The following SMOC2 variants were observed in gnomAD, a reference collection of about 807,000 sequenced individuals.
SMOC2 encodes SPARC-related modular calcium-binding protein 2.
In SMOC2, 39 loss-of-function variants were observed where a neutral mutation model predicts 61.4. The ratio of observed to expected loss-of-function variants is 0.64; its 90% CI spans 0.49 to 0.83. The LOEUF is 0.83. Among genes scored for constraint, SMOC2 ranks in the 40% least tolerant of loss-of-function variants. The pLI is 0.00. For missense variants in SMOC2, 556 were observed against 592.9 expected, an observed-to-expected ratio of 0.94 and a Z score of 0.65; for synonymous variants, 247 against 239.9, an observed-to-expected ratio of 1.03 and a Z score of -0.27.
intron 11 of SMOC2, among the ~76,000 whole-genome samples, chr6:168,663,739 T>C (rs1395405002): frequency 6.6e-6 from 1 of 152,196 alleles, no homozygotes; most frequent in East Asian, 1.9e-4. Flanking sequence ...AAATGTAGTA[T>C]AGCAAGTATT....
At chr6:168,462,964 G>A (rs1237098107) in intron 1 of SMOC2, among the ~76,000 whole-genome samples, 1 of 152,076 alleles carries the variant, frequency 6.6e-6, no homozygotes, top group East Asian at 1.9e-4. Flanking sequence ...TATAAATGTT[G>A]GTAATTAATA....
At chr6:168,471,819 C>A (rs1311575599) in intron 1 of SMOC2, among the ~76,000 whole-genome samples, 4 of 152,156 alleles carry the variant, frequency 2.6e-5, no homozygotes, top group African/African-American at 9.7e-5. Flanking sequence ...GGAAGGTTTT[C>A]ATTTTTATTT....
At chr6:168,599,147 A>C in intron 8 of SMOC2, 143 bp downstream of exon 8, 1 of 730,874 alleles carries the variant, frequency 1.4e-6, no homozygotes, top group Non-Finnish European at 2.2e-6. Flanking sequence ...GATACCACAC[A>C]CATACCCACA....
At chr6:168,577,571 C>T (rs1784835030) in intron 7 of SMOC2, among the ~76,000 whole-genome samples, 1 of 152,186 alleles carries the variant, frequency 6.6e-6, no homozygotes, top group Non-Finnish European at 1.5e-5. Flanking sequence ...ATACACATGT[C>T]CCAGCCTTGC....
At chr6:168,649,700 A>G (rs908266886) in intron 9 of SMOC2, among the ~76,000 whole-genome samples, 4 of 152,350 alleles carry the variant, frequency 2.6e-5, no homozygotes, top group Non-Finnish European at 2.9e-5. Context: ...TCATCGGGGA[A>G]ACGAGGGTGG....
chr6:168,534,820 C>T (rs567698418), intron 4 of SMOC2, among the ~76,000 whole-genome samples: 53 of 152,128 alleles, frequency 3.5e-4, no homozygotes, highest in Non-Finnish European at 6.5e-4. Context: ...TGTTGCACCT[C>T]ATCTACAAGT....
chr6:168,447,414 G>A (rs981801685), intron 1 of SMOC2, among the ~76,000 whole-genome samples: 2 of 152,126 alleles, frequency 1.3e-5, no homozygotes, highest in South Asian at 4.1e-4. Flanking sequence ...ACTGACCGTG[G>A]ATGCTGCTAT....
intron 9 of SMOC2, among the ~76,000 whole-genome samples, chr6:168,631,076 A>C (rs1050932193): frequency 3.9e-5 from 6 of 152,014 alleles, no homozygotes; most frequent in African/African-American, 9.7e-5. Flanking sequence ...TGTCACCCAC[A>C]CCTATTCGCA....
intron 11 of SMOC2, among the ~76,000 whole-genome samples, chr6:168,656,109 A>C (rs1395524824): frequency 1.3e-5 from 2 of 152,244 alleles, no homozygotes; most frequent in African/African-American, 4.8e-5. Flanking sequence ...GACACCGCTC[A>C]AATCTCTGTC....
intron 6 of SMOC2, among the ~76,000 whole-genome samples, chr6:168,548,662 C>T (rs925590543): frequency 3.3e-5 from 5 of 152,048 alleles, no homozygotes; most frequent in African/African-American, 1.2e-4. Flanking sequence ...CCACCATGCC[C>T]GGCCCATTCA....
intron 9 of SMOC2, among the ~76,000 whole-genome samples, chr6:168,620,108 C>G (rs1047058250): frequency 8.5e-5 from 13 of 152,190 alleles, no homozygotes; most frequent in Non-Finnish European, 1.8e-4. Context: ...TGGTCTCTCC[C>G]CTCCACCAAA....
chr6:168,530,637 A>ACCCCCC (rs3064057), intron 4 of SMOC2, among the ~76,000 whole-genome samples: 799 of 120,088 alleles, frequency 6.7e-3, no homozygotes, highest in African/African-American at 0.017. Flanking sequence ...TCACGGTGCA[A>ACCCCCC]CCCCCCCCCC....
intron 1 of SMOC2, among the ~76,000 whole-genome samples, chr6:168,471,079 G>A (rs1781957794): frequency 6.6e-6 from 1 of 152,156 alleles, no homozygotes; most frequent in Admixed American, 6.5e-5. Context: ...TACACACACA[G>A]TTTATCATCT....
At chr6:168,479,629 G>C (rs1158881181) in intron 1 of SMOC2, among the ~76,000 whole-genome samples, 1 of 152,202 alleles carries the variant, frequency 6.6e-6, no homozygotes, top group African/African-American at 2.4e-5. Context: ...CCCCAACCTT[G>C]CGGTGAAAGC....
intron 7 of SMOC2, among the ~76,000 whole-genome samples, chr6:168,586,747 AT>A (rs910884580): frequency 3.3e-5 from 5 of 152,166 alleles, no homozygotes; most frequent in Admixed American, 1.3e-4. Flanking sequence ...ATGACATTTA[AT>A]TTTTTTAATA....
chr6:168,460,895 A>AT (rs57873093), intron 1 of SMOC2, among the ~76,000 whole-genome samples: 44,160 of 152,112 alleles, frequency 0.29, 8,300 homozygotes, highest in African/African-American at 0.52. Flanking sequence ...ATGAGTAATC[A>AT]CTATCAAACT....
At chr6:168,660,340 T>C (rs1421781544) in intron 11 of SMOC2, among the ~76,000 whole-genome samples, 1 of 152,176 alleles carries the variant, frequency 6.6e-6, no homozygotes, top group Non-Finnish European at 1.5e-5. Flanking sequence ...GTCAGTTCCT[T>C]CTAGGACTGG....
chr6:168,628,117 G>A (rs1435620182), intron 9 of SMOC2, among the ~76,000 whole-genome samples: 1 of 152,214 alleles, frequency 6.6e-6, no homozygotes, highest in South Asian at 2.1e-4. Context: ...CGCGCCTGTG[G>A]CCCCCTAGGT....
intron 9 of SMOC2, among the ~76,000 whole-genome samples, chr6:168,625,071 G>A (rs1210733198): frequency 1.3e-5 from 2 of 152,154 alleles, no homozygotes; most frequent in African/African-American, 4.8e-5. Context: ...CTGCCCCCTG[G>A]ACACTGTGAA....
Sources: allele counts gnomAD v4.1 joint callset (sites outside exome capture counted in the v4.1 genomes callset), GRCh38; gene constraint gnomAD v4.1.1; transcripts MANE v1.5; gene names NCBI Gene and HGNC (gene_info 2026-07-23, HGNC 2026-07-21).